Variants in KCND2 observed in about 807,000 individuals in gnomAD.
KCND2 encodes the protein A-type voltage-gated potassium channel KCND2.
KCND2 carries 16 observed loss-of-function variants against 54.4 expected under a neutral mutation model. The ratio of observed to expected loss-of-function variants is 0.29; its 90% confidence interval spans 0.20 to 0.45. The LOEUF is 0.45. Among genes scored for constraint, KCND2 ranks in the 20% least tolerant of loss-of-function variants. The pLI is 1.00. For synonymous variants in KCND2, 317 were observed against 310.7 expected, an observed-to-expected ratio of 1.02 and a Z score of -0.21; for missense variants, 486 against 824.2, an observed-to-expected ratio of 0.59 and a Z score of 5.02.
chr7:120,501,790 A>T (rs1306825653), intron 1 of KCND2, among the ~76,000 whole-genome samples: 1 of 152,040 alleles, frequency 6.6e-6, no homozygotes, highest in Non-Finnish European at 1.5e-5. Context: ...TATATTTCGC[A>T]CTGTATTCCC....
rs565803732 is a variant in KCND2 at position 120,273,311 on chromosome 7, C to T, written c.-1322C>T. ...GGCGGGGAAGCAGCTAGCAGCCCTC[C>T]CGCGCCCCCGCGCTGCCGAGCGCCT... is the stretch of plus-strand genomic sequence containing the variant. On this transcript the variant is annotated 5_prime_UTR_variant, in exon 1 of 6. Coordinates refer to ENST00000331113, the MANE Select transcript of KCND2 (RefSeq NM_012281.3). 2.5e-3 allele frequency among the ~76,000 whole-genome samples: 374 copies of T among 150,934 alleles called. 1 individual carries two copies. The highest frequency in any genetic ancestry group is 8.8e-3 in the African/African-American group (365 of 41,426).
At chr7:120,679,962 G>A (rs569083339) in intron 1 of KCND2, among the ~76,000 whole-genome samples, 248 of 151,958 alleles carry the variant, frequency 1.6e-3, no homozygotes, top group Non-Finnish European at 2.9e-3. Context: ...GATACAATAA[G>A]GTAAAGGAAA....
At chr7:120,357,301 G>C (rs1800520711) in intron 1 of KCND2, among the ~76,000 whole-genome samples, 1 of 152,020 alleles carries the variant, frequency 6.6e-6, no homozygotes, top group Non-Finnish European at 1.5e-5. Flanking sequence ...ACTAATTGAA[G>C]GAGCCAGGAT....
intron 1 of KCND2, among the ~76,000 whole-genome samples, chr7:120,429,469 A>G (rs1801760423): frequency 6.7e-6 from 1 of 150,018 alleles, no homozygotes; most frequent in Admixed American, 6.6e-5. Flanking sequence ...GCTGCATGCA[A>G]ACCATCTCCA....
At chr7:120,738,523 CT>C (rs1792901623) in intron 2 of KCND2, among the ~76,000 whole-genome samples, 1 of 151,836 alleles carries the variant, frequency 6.6e-6, no homozygotes, top group Non-Finnish European at 1.5e-5. Flanking sequence ...AACTATGAAG[CT>C]TTTTTTACAC....
chr7:120,367,363 T>C (rs891436108), intron 1 of KCND2, among the ~76,000 whole-genome samples: 1 of 152,104 alleles, frequency 6.6e-6, no homozygotes, highest in African/African-American at 2.4e-5. Flanking sequence ...TCTGTTTCCT[T>C]TAAAAAAAGA....
intron 1 of KCND2, among the ~76,000 whole-genome samples, chr7:120,394,272 G>A (rs761025940): frequency 5.3e-5 from 8 of 151,928 alleles, no homozygotes; most frequent in Non-Finnish European, 1.2e-4. Flanking sequence ...AATAGGTGTT[G>A]CAGATTGGCT....
At chr7:120,369,970 A>G (rs1800743333) in intron 1 of KCND2, among the ~76,000 whole-genome samples, 1 of 152,040 alleles carries the variant, frequency 6.6e-6, no homozygotes, top group Non-Finnish European at 1.5e-5. Context: ...AAGCAAATGT[A>G]GATGTGAGTC....
chr7:120,466,680 T>G (rs1269865557), intron 1 of KCND2, among the ~76,000 whole-genome samples: 1 of 152,202 alleles, frequency 6.6e-6, no homozygotes, highest in African/African-American at 2.4e-5. Flanking sequence ...TAAAGGTATA[T>G]GCATTCATTT....
intron 1 of KCND2, among the ~76,000 whole-genome samples, chr7:120,345,611 C>T (rs1365624572): frequency 6.6e-6 from 1 of 152,174 alleles, no homozygotes; most frequent in Non-Finnish European, 1.5e-5. Context: ...TTGACTAGGT[C>T]TCTCATACAA....
At chr7:120,590,974 C>T (rs919915759) in intron 1 of KCND2, among the ~76,000 whole-genome samples, 9 of 151,960 alleles carry the variant, frequency 5.9e-5, no homozygotes, top group African/African-American at 2.2e-4. Context: ...TTTTCTTGGG[C>T]TGCTAGAAAA....
intron 1 of KCND2, among the ~76,000 whole-genome samples, chr7:120,338,146 G>A (rs1448475724): frequency 6.6e-6 from 1 of 151,986 alleles, no homozygotes; most frequent in Admixed American, 6.6e-5. Context: ...ATATTTCATT[G>A]TCTCATGTCA....
chr7:120,638,635 T>C (rs1007328116), intron 1 of KCND2, among the ~76,000 whole-genome samples: 1 of 152,086 alleles, frequency 6.6e-6, no homozygotes, highest in Non-Finnish European at 1.5e-5. Context: ...TGATGACAAA[T>C]GATTACCTCC....
intron 1 of KCND2, among the ~76,000 whole-genome samples, chr7:120,568,691 G>A (rs968027758): frequency 6.6e-6 from 1 of 152,066 alleles, no homozygotes; most frequent in Non-Finnish European, 1.5e-5. Context: ...CCCTTGATTT[G>A]TTCCCTTTAG....
chr7:120,325,726 A>G (rs181899778), intron 1 of KCND2, among the ~76,000 whole-genome samples: 21 of 152,258 alleles, frequency 1.4e-4, no homozygotes, highest in African/African-American at 4.8e-4. Flanking sequence ...ATAACTTGGA[A>G]GAAAAACTGA....
At chr7:120,633,332 C>T (rs899381075) in intron 1 of KCND2, among the ~76,000 whole-genome samples, 2 of 152,012 alleles carry the variant, frequency 1.3e-5, no homozygotes, top group African/African-American at 4.8e-5. Flanking sequence ...AAGCTCTTTA[C>T]CAATGGAGAG....
chr7:120,717,627 A>G (rs982312574), intron 1 of KCND2, among the ~76,000 whole-genome samples: 2 of 152,116 alleles, frequency 1.3e-5, no homozygotes, highest in Non-Finnish European at 2.9e-5. Flanking sequence ...AAACCATTTC[A>G]GTATCATCAT....
chr7:120,442,778 G>T (rs1801962071), intron 1 of KCND2, among the ~76,000 whole-genome samples: 1 of 152,094 alleles, frequency 6.6e-6, no homozygotes, highest in Non-Finnish European at 1.5e-5. Flanking sequence ...TGGCCAGTGT[G>T]GTTGGCATGG....
At chr7:120,744,230 C>A (rs1792977510) in intron 4 of KCND2, among the ~76,000 whole-genome samples, 1 of 151,918 alleles carries the variant, frequency 6.6e-6, no homozygotes, top group African/African-American at 2.4e-5. Flanking sequence ...TCACTGCACT[C>A]CAGCCTGGGC....
Sources: gnomAD v4.1 joint callset for allele counts (sites outside exome capture counted in the v4.1 genomes callset) on GRCh38, gnomAD v4.1.1 for gene constraint, MANE v1.5 for transcripts, NCBI Gene and HGNC (gene_info 2026-07-23, HGNC 2026-07-21) for gene names.